The following PAPPA2 variants were observed in gnomAD, a reference collection of about 807,000 sequenced individuals.
PAPPA2 encodes pappalysin 2.
In PAPPA2, 86 loss-of-function variants were observed where a neutral mutation model predicts 176.4. That is an observed-to-expected ratio of 0.49 (90% CI 0.41 to 0.58). The LOEUF is 0.58. PAPPA2 is among the 20% of genes least tolerant of loss of function. The pLI is 0.00. For missense variants in PAPPA2, 2,073 were observed against 2,256.9 expected, an observed-to-expected ratio of 0.92 and a Z score of 1.65; for synonymous variants, 809 against 852.2, an observed-to-expected ratio of 0.95 and a Z score of 0.88.
intron 1 of PAPPA2, among the ~76,000 whole-genome samples, chr1:176,511,819 A>G (rs1405240945): frequency 6.6e-6 from 1 of 152,120 alleles, no homozygotes; most frequent in Non-Finnish European, 1.5e-5. Flanking sequence ...TTGAACTGGG[A>G]TTTATACCAT....
At chr1:176,531,723 T>C (rs1157054611) in intron 1 of PAPPA2, among the ~76,000 whole-genome samples, 1 of 152,182 alleles carries the variant, frequency 6.6e-6, no homozygotes, top group Non-Finnish European at 1.5e-5. Context: ...TAGATGTCAG[T>C]ATTTCTCTTT....
At chr1:176,559,161 C>G (rs73044516) in intron 2 of PAPPA2, among the ~76,000 whole-genome samples, 1,716 of 152,306 alleles carry the variant, frequency 0.011, 32 homozygotes, top group African/African-American at 0.039. Flanking sequence ...AGATCCTTCT[C>G]TAAAGTGCCC....
intron 1 of PAPPA2, among the ~76,000 whole-genome samples, chr1:176,495,483 T>C (rs900572039): frequency 6.8e-6 from 1 of 148,136 alleles, no homozygotes; most frequent in Non-Finnish European, 1.5e-5. Context: ...GAGGTTGCAG[T>C]GAGCGAAGAT....
intron 14 of PAPPA2, among the ~76,000 whole-genome samples, chr1:176,750,258 C>T (rs1444757561): frequency 6.6e-6 from 1 of 151,868 alleles, no homozygotes; most frequent in Admixed American, 6.6e-5. Flanking sequence ...AATTTTTGAC[C>T]TCCCAAAAAC....
rs758121695 is a variant in PAPPA2, at chr1:176,690,300, G to C, written c.2301G>C (p.Thr767=). 8 of 1,614,106 alleles carry C rather than the reference G, an allele frequency of 5.0e-6. No homozygotes were observed. The highest frequency in any genetic ancestry group is 2.2e-5 in the East Asian group (1 of 44,874). The change falls in exon 5 of 23, where the codon ACG becomes ACC. Residue 767 remains threonine, a synonymous_variant. Transcript: ENST00000367662. ...AGGAGACAGTGCCATCCATGGAAAC[G>C]GGAGACCTCTGTGCCGACACCGCCC... ...PCKETVPSME[T]GDLCADTAPT...
intron 3 of PAPPA2, among the ~76,000 whole-genome samples, chr1:176,628,885 A>G (rs114739413): frequency 6.6e-6 from 1 of 152,336 alleles, no homozygotes; most frequent in Non-Finnish European, 1.5e-5. Context: ...GATATATTGC[A>G]TTTGACAGTT....
intron 1 of PAPPA2, among the ~76,000 whole-genome samples, chr1:176,534,322 T>C (rs887488323): frequency 5.9e-5 from 9 of 152,312 alleles, no homozygotes; most frequent in Admixed American, 5.9e-4. Flanking sequence ...TGCTAATTTC[T>C]CTGTGTTCTC....
intron 2 of PAPPA2, among the ~76,000 whole-genome samples, chr1:176,565,471 G>C (rs1417061714): frequency 6.6e-6 from 1 of 152,176 alleles, no homozygotes; most frequent in African/African-American, 2.4e-5. Context: ...GAGGCAGGCA[G>C]ATCGCTTGAG....
intron 3 of PAPPA2, among the ~76,000 whole-genome samples, chr1:176,626,421 C>G (rs1365548497): frequency 6.6e-6 from 1 of 152,122 alleles, no homozygotes; most frequent in Non-Finnish European, 1.5e-5. Context: ...TTTTTTTAAA[C>G]ATCTCTGTTG....
At chr1:176,508,518 A>G (rs955976518) in intron 1 of PAPPA2, among the ~76,000 whole-genome samples, 3 of 152,210 alleles carry the variant, frequency 2.0e-5, no homozygotes, top group African/African-American at 7.2e-5. Context: ...ACAATGTAGA[A>G]GAAAAAATGG....
chr1:176,796,379 C>T (rs1199777496), intron 20 of PAPPA2, among the ~76,000 whole-genome samples: 1 of 152,172 alleles, frequency 6.6e-6, no homozygotes, highest in East Asian at 1.9e-4. Flanking sequence ...GAAATTATCA[C>T]AAATGTGGAC....
At chr1:176,559,750 C>T (rs1651549633) in intron 2 of PAPPA2, among the ~76,000 whole-genome samples, 1 of 152,198 alleles carries the variant, frequency 6.6e-6, no homozygotes, top group Non-Finnish European at 1.5e-5. Flanking sequence ...TTCAGCAATT[C>T]TGCTGTTCCA....
At chr1:176,667,790 C>T (rs1196281659) in intron 3 of PAPPA2, among the ~76,000 whole-genome samples, 2 of 152,144 alleles carry the variant, frequency 1.3e-5, no homozygotes, top group African/African-American at 4.8e-5. Flanking sequence ...AGATCTTTTT[C>T]TTATTTCTGG....
intron 21 of PAPPA2, among the ~76,000 whole-genome samples, chr1:176,825,375 T>C (rs2102978204): frequency 6.6e-6 from 1 of 152,336 alleles, no homozygotes; most frequent in Non-Finnish European, 1.5e-5. Flanking sequence ...CCAAATGTGG[T>C]TCATAAAGTA....
intron 1 of PAPPA2, among the ~76,000 whole-genome samples, chr1:176,526,784 A>G (rs1649521880): frequency 6.6e-6 from 1 of 152,230 alleles, no homozygotes; most frequent in South Asian, 2.1e-4. Context: ...GTGACATGGC[A>G]CAGGGCTTGA....
At chr1:176,552,727 T>G (rs1651035402) in intron 1 of PAPPA2, among the ~76,000 whole-genome samples, 1 of 152,118 alleles carries the variant, frequency 6.6e-6, no homozygotes, top group African/African-American at 2.4e-5. Flanking sequence ...TGTCCTTAAA[T>G]CCATTCCCTC....
At chr1:176,651,083 C>G (rs1479648574) in intron 3 of PAPPA2, among the ~76,000 whole-genome samples, 1 of 151,670 alleles carries the variant, frequency 6.6e-6, no homozygotes, top group Non-Finnish European at 1.5e-5. Flanking sequence ...AACTTATAAA[C>G]TCTTATTAGA....
chr1:176,804,554 C>T (rs1487405966), intron 21 of PAPPA2, among the ~76,000 whole-genome samples: 1 of 152,098 alleles, frequency 6.6e-6, no homozygotes, highest in Non-Finnish European at 1.5e-5. Flanking sequence ...ATTTTTTCTA[C>T]TTGGAGTATT....
intron 21 of PAPPA2, among the ~76,000 whole-genome samples, chr1:176,818,175 GA>G: frequency 6.6e-6 from 1 of 152,322 alleles, no homozygotes; most frequent in South Asian, 2.1e-4. Context: ...AACTTGAGTG[GA>G]AAACAGTTCA....
Sources: allele counts gnomAD v4.1 joint callset (sites outside exome capture counted in the v4.1 genomes callset), GRCh38; gene constraint gnomAD v4.1.1; transcripts MANE v1.5; gene names NCBI Gene and HGNC (gene_info 2026-07-23, HGNC 2026-07-21).